GPC6: variants seen among roughly 807,000 people sequenced by gnomAD.
GPC6 encodes the protein glypican 6.
A neutral mutation model predicts 55.2 loss-of-function variants in GPC6; 14 were observed. The ratio of observed to expected loss-of-function variants is 0.25; its 90% CI spans 0.17 to 0.40. GPC6 has a LOEUF of 0.40. Among genes scored for constraint, GPC6 ranks in the 10% least tolerant of loss-of-function variants. The pLI, the probability that GPC6 is intolerant of heterozygous loss-of-function variation, is 1.00. For synonymous variants in GPC6, 278 were observed against 259.6 expected, an observed-to-expected ratio of 1.07 and a Z score of -0.68; for missense variants, 641 against 708.5, an observed-to-expected ratio of 0.90 and a Z score of 1.08.
intron 3 of GPC6, among the ~76,000 whole-genome samples, chr13:93,949,935 C>T (rs978982787): frequency 1.2e-4 from 18 of 152,034 alleles, no homozygotes; most frequent in African/African-American, 4.1e-4. Context: ...GACATGTTGC[C>T]CAGGCTGGTC....
intron 5 of GPC6, among the ~76,000 whole-genome samples, chr13:94,305,346 AT>A (rs1347696752): frequency 6.6e-6 from 1 of 152,204 alleles, no homozygotes; most frequent in Admixed American, 6.5e-5. Context: ...TATATTGTTG[AT>A]TCATTAACAT....
chr13:93,263,470 T>G (rs1176995959), intron 1 of GPC6, among the ~76,000 whole-genome samples: 1 of 152,204 alleles, frequency 6.6e-6, no homozygotes, highest in Non-Finnish European at 1.5e-5. Context: ...GTTCAAGTGA[T>G]TCTCCTCCTT....
At chr13:93,898,885 C>T (rs752935508) in intron 3 of GPC6, among the ~76,000 whole-genome samples, 10 of 149,584 alleles carry the variant, frequency 6.7e-5, no homozygotes, top group African/African-American at 1.2e-4. Context: ...GTGAACACTA[C>T]ACTTTAACAT....
At chr13:94,027,500 C>T (rs1163728348) in intron 3 of GPC6, among the ~76,000 whole-genome samples, 2 of 151,946 alleles carry the variant, frequency 1.3e-5, no homozygotes, top group Non-Finnish European at 2.9e-5. Flanking sequence ...AGTGTCTAGG[C>T]TTTAGGGCTG....
chr13:93,393,107 G>GATATATATATATATATAT lies in GPC6; in HGVS notation c.161-152152_161-152135dup, dbSNP rs374414019. Among the ~76,000 whole-genome samples, 5 of 114,770 alleles carry GATATATATATATATATAT rather than the reference G, an allele frequency of 4.4e-5. 1 individual carries two copies. In the South Asian group the frequency reaches 1.2e-3, roughly 28 times the overall value. 75.3% of individuals were successfully genotyped at this position (114,770 alleles called of 152,430 possible). A position where few individuals can be genotyped will look rare whatever the true frequency, so the allele number is the denominator to read the frequency against. On this transcript the variant is annotated intron_variant, in intron 1 of 8. Coordinates refer to ENST00000377047, the MANE Select transcript of GPC6 (RefSeq NM_005708.5). ...TATATAGAGAAAAATATGTATATTT[G>GATATATATATATATATAT]ATATATATATATATATATATAGAGA...
intron 1 of GPC6, among the ~76,000 whole-genome samples, chr13:93,328,220 A>G (rs1036141517): frequency 6.6e-6 from 1 of 152,136 alleles, no homozygotes; most frequent in Non-Finnish European, 1.5e-5. Context: ...CATGTACTAT[A>G]CTTGTATATA....
At position 94,314,453 on chromosome 13, in the gene GPC6, G is replaced by A. The variant is rs79591442; in HGVS notation, c.1152+8330G>A. On this transcript the variant is annotated intron_variant, in intron 6 of 8. Transcript: ENST00000377047. ...TTTGTTGTCAGTTATGAACCAGTCA[G>A]ATGCAAAAGTCCATCTGCGCACTCG... Among the ~76,000 whole-genome samples, 232 of 152,290 alleles carry A rather than the reference G, an allele frequency of 1.5e-3. 4 individuals are homozygous for A. In the East Asian group the frequency reaches 0.037, roughly 24 times the overall value.
intron 4 of GPC6, among the ~76,000 whole-genome samples, chr13:94,092,983 G>A (rs2138814567): frequency 6.6e-6 from 1 of 152,156 alleles, no homozygotes; most frequent in Middle Eastern, 3.4e-3. Context: ...TTCTGGCTGA[G>A]TTGTTTAAGT....
At chr13:94,303,157 A>G (rs1267269015) in intron 5 of GPC6, among the ~76,000 whole-genome samples, 1 of 152,168 alleles carries the variant, frequency 6.6e-6, no homozygotes, top group Non-Finnish European at 1.5e-5. Flanking sequence ...TGCAGTTGCA[A>G]GATTTAATAG....
intron 3 of GPC6, among the ~76,000 whole-genome samples, chr13:93,854,344 G>A (rs987664710): frequency 6.6e-6 from 1 of 151,508 alleles, no homozygotes; most frequent in East Asian, 1.9e-4. Flanking sequence ...TTTTTTTCAC[G>A]ATAGTAGTAT....
chr13:94,074,987 A>G (rs1460479377), intron 4 of GPC6, among the ~76,000 whole-genome samples: 1 of 152,170 alleles, frequency 6.6e-6, no homozygotes, highest in Admixed American at 6.5e-5. Flanking sequence ...TGGCTGGCCT[A>G]TCAGATGTTT....
At chr13:93,825,252 A>C (rs1489333657) in intron 2 of GPC6, among the ~76,000 whole-genome samples, 2 of 152,190 alleles carry the variant, frequency 1.3e-5, no homozygotes, top group Non-Finnish European at 1.5e-5. Context: ...GGCATCTAAA[A>C]GGTAGAGGCC....
intron 3 of GPC6, among the ~76,000 whole-genome samples, chr13:93,874,643 T>A (rs528665223): frequency 6.0e-5 from 9 of 150,738 alleles, no homozygotes; most frequent in African/African-American, 2.2e-4. Flanking sequence ...TTCTTACCAG[T>A]CATGACCGTG....
intron 3 of GPC6, among the ~76,000 whole-genome samples, chr13:93,868,063 C>T (rs1889023146): frequency 6.6e-6 from 1 of 151,776 alleles, no homozygotes; most frequent in Admixed American, 6.6e-5. Flanking sequence ...CATGGATTTT[C>T]TGCAGAGTAG....
At chr13:93,808,448 CTA>C (rs1280891894) in intron 2 of GPC6, among the ~76,000 whole-genome samples, 2 of 152,136 alleles carry the variant, frequency 1.3e-5, no homozygotes, top group African/African-American at 4.8e-5. Context: ...ACTCCTCTCT[CTA>C]TATGAGATGC....
chr13:94,215,985 T>TTAGAATAAAC (rs1291187319), intron 4 of GPC6, among the ~76,000 whole-genome samples: 26 of 51,280 alleles, frequency 5.1e-4, no homozygotes, highest in African/African-American at 1.9e-3. Flanking sequence ...CAAATATGTT[T>TTAGAATAAAC]TTTAGACGTT....
intron 6 of GPC6, among the ~76,000 whole-genome samples, chr13:94,379,227 T>C (rs1422635379): frequency 6.6e-6 from 1 of 152,240 alleles, no homozygotes; most frequent in African/African-American, 2.4e-5. Context: ...CAGATATAAA[T>C]GAATCAAAGG....
intron 5 of GPC6, among the ~76,000 whole-genome samples, chr13:94,289,862 C>T (rs934370054): frequency 2.0e-5 from 3 of 152,154 alleles, no homozygotes; most frequent in Admixed American, 6.6e-5. Context: ...AGAAATAATA[C>T]GGTTTTATGG....
intron 2 of GPC6, among the ~76,000 whole-genome samples, chr13:93,685,583 A>C (rs1882019239): frequency 1.3e-5 from 2 of 152,284 alleles, no homozygotes; most frequent in South Asian, 4.1e-4. Flanking sequence ...ACATTACTCT[A>C]TTTCATGTGC....
Sources: gnomAD v4.1 joint callset for allele counts (sites outside exome capture counted in the v4.1 genomes callset) on GRCh38, gnomAD v4.1.1 for gene constraint, MANE v1.5 for transcripts, NCBI Gene and HGNC (gene_info 2026-07-23, HGNC 2026-07-21) for gene names.